The following AGBL4 variants were observed in gnomAD, a reference collection of about 807,000 sequenced individuals.
The protein encoded by AGBL4 is AGBL carboxypeptidase 4, also known as cytosolic carboxypeptidase 6.
Under a neutral mutation model 66.4 loss-of-function variants are expected in AGBL4, and 58 were observed. That is an observed-to-expected ratio of 0.87 (90% CI 0.71 to 1.09). The LOEUF (loss-of-function observed/expected upper bound fraction) is 1.09, where lower values mean the gene tolerates loss of function less well. AGBL4 is among the 50% of genes least tolerant of loss of function. The pLI is 0.00. For synonymous variants in AGBL4, 234 were observed against 222.9 expected (o/e 1.05, Z -0.44); for missense variants, 579 against 631.0 (o/e 0.92, Z 0.88).
intron 6 of AGBL4, among the ~76,000 whole-genome samples, chr1:48,745,024 T>C (rs1294102712): frequency 6.6e-6 from 1 of 152,250 alleles, no homozygotes; most frequent in African/African-American, 2.4e-5. Context: ...GTGACTACTT[T>C]TAGCAAATTA....
At chr1:49,440,650 C>G (rs1230766012) in intron 3 of AGBL4, among the ~76,000 whole-genome samples, 1 of 152,162 alleles carries the variant, frequency 6.6e-6, no homozygotes, top group African/African-American at 2.4e-5. Flanking sequence ...AGCCTCAGAT[C>G]TGCTAAGACT....
chr1:49,280,542 AG>A (rs1644254126), intron 3 of AGBL4, among the ~76,000 whole-genome samples: 1 of 152,162 alleles, frequency 6.6e-6, no homozygotes, highest in South Asian at 2.1e-4. Flanking sequence ...AACAGACAAA[AG>A]TCTTTAGGAA....
chr1:48,744,213 C>T (rs1002684365), intron 6 of AGBL4, among the ~76,000 whole-genome samples: 1 of 152,228 alleles, frequency 6.6e-6, no homozygotes, highest in Non-Finnish European at 1.5e-5. Context: ...AGGTCTTATT[C>T]TTTCCTTTGT....
intron 1 of AGBL4, among the ~76,000 whole-genome samples, chr1:50,019,119 T>C (rs1662218225): frequency 6.6e-6 from 1 of 152,124 alleles, no homozygotes; most frequent in Non-Finnish European, 1.5e-5. Flanking sequence ...TGACAGTACA[T>C]ATGCAGTATT....
intron 3 of AGBL4, among the ~76,000 whole-genome samples, chr1:49,280,852 G>A (rs894843955): frequency 6.6e-6 from 1 of 151,972 alleles, no homozygotes; most frequent in Non-Finnish European, 1.5e-5. Flanking sequence ...TTTTAGTGGG[G>A]GAGATAAATA....
At position 49,710,847 on chromosome 1, in the gene AGBL4, C is replaced by T. The variant is rs77671129; in HGVS notation, c.158-13410G>A. Among the ~76,000 whole-genome samples, 537 of 151,546 alleles carry T rather than the reference C, an allele frequency of 3.5e-3. 29 individuals carry two copies. The East Asian group carries it at 0.08, about 23-fold the overall frequency. On this transcript the variant is annotated intron_variant, in intron 2 of 13. Transcript: ENST00000371839. ...AGATACTTGTTACACAGAAAAAGAA[C>T]GTGTATCTTGAATATACAAAGAACT...
At chr1:49,307,087 A>G (rs1644861240) in intron 3 of AGBL4, among the ~76,000 whole-genome samples, 1 of 152,190 alleles carries the variant, frequency 6.6e-6, no homozygotes, top group South Asian at 2.1e-4. Flanking sequence ...AAAGTTGGAA[A>G]GAAAAATTTA....
At chr1:48,858,044 A>C (rs778882905) in intron 6 of AGBL4, among the ~76,000 whole-genome samples, 4 of 152,202 alleles carry the variant, frequency 2.6e-5, no homozygotes, top group Non-Finnish European at 5.9e-5. Flanking sequence ...TTCTCCATAG[A>C]AGTAATACAA....
chr1:48,594,155 G>A (rs542723930), intron 9 of AGBL4, among the ~76,000 whole-genome samples: 9 of 152,068 alleles, frequency 5.9e-5, no homozygotes, highest in South Asian at 4.1e-4. Flanking sequence ...GTGAAACACC[G>A]TCTCTACTAA....
chr1:48,984,413 C>G lies in AGBL4; in HGVS notation c.594+61171G>C, dbSNP rs77500231. Among the ~76,000 whole-genome samples the G allele has an allele frequency of 8.1e-3, 1,221 of 151,062 alleles. 7 individuals are homozygous for G. The highest frequency in any genetic ancestry group is 0.013 in the Non-Finnish European group (898 of 67,708). ...AGCTCTCAGGTACCTTTCTATCTATCTACTGCACAGCAGGGCTTTGGCTAG... is the reference window on the plus strand; with the variant it reads ...AGCTCTCAGGTACCTTTCTATCTATGTACTGCACAGCAGGGCTTTGGCTAG... On this transcript the variant is annotated intron_variant, in intron 5 of 13. Transcript: ENST00000371839.
chr1:48,570,560 T>C (rs533764898), intron 11 of AGBL4, among the ~76,000 whole-genome samples: 2 of 152,116 alleles, frequency 1.3e-5, no homozygotes, highest in Non-Finnish European at 2.9e-5. Context: ...TTTTTTTACT[T>C]GTAAGATATA....
intron 5 of AGBL4, among the ~76,000 whole-genome samples, chr1:48,909,929 A>C (rs987261328): frequency 6.6e-6 from 1 of 152,184 alleles, no homozygotes; most frequent in Non-Finnish European, 1.5e-5. Flanking sequence ...ATTCCTTCTC[A>C]CTAAATCCTC....
intron 5 of AGBL4, among the ~76,000 whole-genome samples, chr1:48,998,309 C>A (rs565258310): frequency 6.6e-6 from 1 of 152,112 alleles, no homozygotes; most frequent in Admixed American, 6.6e-5. Context: ...TGAAACATGC[C>A]ACAAAAAGAG....
At chr1:49,877,741 T>C (rs1305877506) in intron 1 of AGBL4, among the ~76,000 whole-genome samples, 2 of 151,142 alleles carry the variant, frequency 1.3e-5, no homozygotes, top group Non-Finnish European at 3.0e-5. Flanking sequence ...ATGGTACCAG[T>C]TCCTCCTTGT....
intron 3 of AGBL4, among the ~76,000 whole-genome samples, chr1:49,348,375 C>T (rs1040374466): frequency 6.6e-6 from 1 of 151,670 alleles, no homozygotes; most frequent in African/African-American, 2.4e-5. Flanking sequence ...GAGCTGAAAT[C>T]GCGCCACCGC....
At chr1:48,681,833 G>A (rs1453531664) in intron 6 of AGBL4, among the ~76,000 whole-genome samples, 1 of 152,190 alleles carries the variant, frequency 6.6e-6, no homozygotes, top group Non-Finnish European at 1.5e-5. Context: ...TGGCAGTCAA[G>A]AGACCTGAGT....
chr1:49,207,815 T>C (rs1426837841), intron 4 of AGBL4, among the ~76,000 whole-genome samples: 1 of 151,376 alleles, frequency 6.6e-6, no homozygotes, highest in East Asian at 2.0e-4. Context: ...TTTAAACTCC[T>C]GGGCTTAAGC....
chr1:48,848,077 AT>A (rs763941192), intron 6 of AGBL4, among the ~76,000 whole-genome samples: 2 of 152,122 alleles, frequency 1.3e-5, no homozygotes, highest in Non-Finnish European at 1.5e-5. Context: ...TTCCTTCAGC[AT>A]TTATGTGAAG....
At chr1:49,017,985 T>C (rs1036298924) in intron 5 of AGBL4, among the ~76,000 whole-genome samples, 5 of 152,152 alleles carry the variant, frequency 3.3e-5, no homozygotes, top group African/African-American at 1.2e-4. Context: ...TTCACCATTG[T>C]CATAGGCCTG....
Sources: allele counts gnomAD v4.1 joint callset (sites outside exome capture counted in the v4.1 genomes callset), GRCh38; gene constraint gnomAD v4.1.1; transcripts MANE v1.5; gene names NCBI Gene and HGNC (gene_info 2026-07-23, HGNC 2026-07-21).